Variants in SYNE2 observed in about 807,000 individuals in gnomAD.
SYNE2 encodes spectrin repeat containing nuclear envelope protein 2.
Under a neutral mutation model 856.3 loss-of-function variants are expected in SYNE2, and 431 were observed. That is an observed-to-expected ratio of 0.50 (90% CI 0.47 to 0.55). SYNE2 has a LOEUF of 0.55. SYNE2 is among the 20% of genes least tolerant of loss of function. The probability of loss-of-function intolerance (pLI) is 0.00; values close to 1 mark genes in which losing one functional copy is unlikely to be tolerated. For missense variants in SYNE2, 8,129 were observed against 8,023.2 expected (o/e 1.01, Z -0.50); for synonymous variants, 2,923 against 2,872.3 (o/e 1.02, Z -0.56).
chr14:64,044,997 G>T (rs2153567411), intron 45 of SYNE2, among the ~76,000 whole-genome samples: 1 of 152,236 alleles, frequency 6.6e-6, no homozygotes, highest in African/African-American at 2.4e-5. Context: ...AAATGAATGT[G>T]CAGAGTAAAA....
intron 96 of SYNE2, among the ~76,000 whole-genome samples, chr14:64,182,543 T>G (rs534413728): frequency 4.1e-4 from 63 of 152,204 alleles, no homozygotes; most frequent in South Asian, 2.7e-3. Flanking sequence ...GCGGCCTTCC[T>G]CAGTGTTTGT....
chr14:63,966,741 A>G (rs1181439973), intron 10 of SYNE2, among the ~76,000 whole-genome samples: 3 of 150,380 alleles, frequency 2.0e-5, no homozygotes, highest in African/African-American at 7.4e-5. Flanking sequence ...TGTATTTTTG[A>G]TCGATATGGG....
chr14:64,154,491 A>G (rs1243267763), intron 85 of SYNE2, among the ~76,000 whole-genome samples: 1 of 152,120 alleles, frequency 6.6e-6, no homozygotes, highest in Non-Finnish European at 1.5e-5. Context: ...AAAAATGACC[A>G]AATGGAAAAA....
In SYNE2 at chr14:63,780,490, T is replaced by C. The variant is rs139443127; in HGVS notation, c.-305+18504T>C. On this transcript the variant is annotated intron_variant, in intron 1 of 23. Transcript: ENST00000674003. ...TAGAGGTTGTGGTGAGCCGAGATCA[T>C]GCCACTGTATTCCAGCCCGGGCAAC... 2.2e-3 allele frequency among the ~76,000 whole-genome samples: 340 copies of C among 152,206 alleles called. 1 individual carries two copies. Among genetic ancestry groups the C allele is most frequent in the African/African-American group, 7.0e-3 (292 of 41,528 alleles).
intron 45 of SYNE2, among the ~76,000 whole-genome samples, chr14:64,045,946 T>C (rs991521117): frequency 6.6e-6 from 1 of 152,220 alleles, no homozygotes; most frequent in African/African-American, 2.4e-5. Flanking sequence ...TACATTACTA[T>C]CTAGACAGTA....
At chr14:64,132,509 A>G in intron 77 of SYNE2, 71 bp downstream of exon 77, 1 of 1,569,804 alleles carries the variant, frequency 6.4e-7, no homozygotes, top group East Asian at 2.2e-5. Flanking sequence ...CCAGGTGTTG[A>G]GAAGAAGTAT....
rs183995089 is a variant in SYNE2, at chr14:64,015,026, T to A, written c.4729-1447T>A. ...ATATATATATGTGTATATATGTATATAAATATATATGTATATATGTATATA... is the reference window on the plus strand; with the variant it reads ...ATATATATATGTGTATATATGTATAAAAATATATATGTATATATGTATATA... On this transcript the variant is annotated intron_variant, in intron 32 of 115. Coordinates refer to ENST00000555002, the MANE Select transcript of SYNE2 (RefSeq NM_182914.3). Among the ~76,000 whole-genome samples the A allele has an allele frequency of 1.3e-3, 192 of 143,928 alleles. 1 individual carries two copies. The highest frequency in any genetic ancestry group is 4.8e-3 in the African/African-American group (188 of 39,102). The allele number at this position is 143,928 out of a possible 152,430, so 94.4% of individuals were successfully genotyped here. A position where few individuals can be genotyped will look rare whatever the true frequency, so the allele number is the denominator to read the frequency against.
In SYNE2 at chr14:63,990,522, A is replaced by G. The variant is rs374684922; in HGVS notation, c.2425A>G (p.Thr809Ala). Reference protein sequence around the residue: ...SSQESFQHVLTTGLQAKIQEA... With the variant: ...SSQESFQHVLATGLQAKIQEA... ...CCAGGAGTCCTTTCAACATGTTCTC[A>G]CAACTGGGCTTCAGGCAAAGATTCA... The change falls in exon 20 of 116, where the codon ACA becomes GCA. Residue 809 changes from threonine to alanine, a missense_variant. Thr to Ala is a moderately conservative substitution (Grantham distance 58). Coordinates refer to ENST00000555002, the MANE Select transcript of SYNE2 (RefSeq NM_182914.3). The G allele has an allele frequency of 3.1e-5, 50 of 1,612,778 alleles. 1 individual carries two copies. The African/African-American group carries it at 6.4e-4, about 21-fold the overall frequency.
rs112954597 is a variant in SYNE2 at position 64,091,197 on chromosome 14, A to G, written c.11976+149A>G. The G allele has an allele frequency of 7.0e-3, 5,224 of 745,216 alleles. 38 individuals carry two copies. Among genetic ancestry groups the G allele is most frequent in the Non-Finnish European group, 8.1e-3 (3,561 of 441,172 alleles). 46.2% of individuals were successfully genotyped at this position (745,216 alleles called of 1,614,324 possible). On this transcript the variant is annotated intron_variant, in intron 60 of 115. Coordinates refer to ENST00000555002, the MANE Select transcript of SYNE2 (RefSeq NM_182914.3). ...AAAGCATATCTTCATGCTCAAATGG[A>G]GCTAAGGTTATTTTTCTCAGTTCTT...
rs143789075 is a variant in SYNE2, at chr14:64,138,912, T to TTGTGTGTGTGTGTG, written c.14843+943_14843+956dup. 2.8e-4 allele frequency among the ~76,000 whole-genome samples: 41 copies of TTGTGTGTGTGTGTG among 144,304 alleles called. No individual in the cohort carries two copies. The South Asian group carries it at 3.2e-3, about 11-fold the overall frequency. 94.7% of individuals were successfully genotyped at this position (144,304 alleles called of 152,430 possible). A position where few individuals can be genotyped will look rare whatever the true frequency, so the allele number is the denominator to read the frequency against. ...GTTATACAGCTTATACAAATGCTGG[T>TTGTGTGTGTGTGTG]TGTGTGTGTGTGTGTGTGTGTGTGT... is the stretch of plus-strand genomic sequence containing the variant. On this transcript the variant is annotated intron_variant, in intron 79 of 115. Coordinates refer to ENST00000555002, the MANE Select transcript of SYNE2 (RefSeq NM_182914.3).
At chr14:63,779,050 T>C (rs1211095960) in intron 1 of SYNE2, among the ~76,000 whole-genome samples, 1 of 152,058 alleles carries the variant, frequency 6.6e-6, no homozygotes, top group Non-Finnish European at 1.5e-5. Flanking sequence ...CCAGACGCAG[T>C]GGCTCAATCC....
chr14:64,148,425 A>G (rs1373178762), intron 84 of SYNE2, among the ~76,000 whole-genome samples: 2 of 152,146 alleles, frequency 1.3e-5, no homozygotes, highest in African/African-American at 4.8e-5. Context: ...TTTAAAAGAA[A>G]TTTACAGACA....
intron 46 of SYNE2, chr14:64,048,791 T>A (rs1436503931): frequency 6.6e-6 from 1 of 151,868 alleles, no homozygotes; most frequent in Admixed American, 6.6e-5. Context: ...TGCCTGTAGT[T>A]TCAGCTACTC....
At chr14:64,210,365 A>C (rs766919669) in intron 103 of SYNE2, among the ~76,000 whole-genome samples, 1 of 152,212 alleles carries the variant, frequency 6.6e-6, no homozygotes, top group Non-Finnish European at 1.5e-5. Flanking sequence ...ACCAACGCAC[A>C]GCTCTTTTTA....
intron 73 of SYNE2, among the ~76,000 whole-genome samples, chr14:64,127,591 AGCTAAGG>A (rs1307053712): frequency 1.3e-5 from 2 of 152,036 alleles, no homozygotes; most frequent in African/African-American, 4.8e-5. Context: ...AAGGTTTTTG[AGCTAAGG>A]AATGACAATC....
chr14:64,067,625 A>G (rs987505144), intron 51 of SYNE2, among the ~76,000 whole-genome samples: 1 of 152,234 alleles, frequency 6.6e-6, no homozygotes. Context: ...TCCAGTGTTT[A>G]TGAAATAAAG....
chr14:63,921,441 A>G (rs1020230089), intron 2 of SYNE2, among the ~76,000 whole-genome samples: 5 of 152,208 alleles, frequency 3.3e-5, no homozygotes, highest in African/African-American at 1.2e-4. Flanking sequence ...TAGGCAGAAC[A>G]TCACACAGAT....
chr14:63,958,728 G>A (rs897439090), intron 8 of SYNE2, among the ~76,000 whole-genome samples: 2 of 152,132 alleles, frequency 1.3e-5, no homozygotes, highest in Non-Finnish European at 2.9e-5. Context: ...GATTATCTGT[G>A]TAAAGTATTT....
chr14:63,900,091 GCT>G (rs926003858), intron 1 of SYNE2, among the ~76,000 whole-genome samples: 4 of 152,196 alleles, frequency 2.6e-5, no homozygotes, highest in African/African-American at 9.7e-5. Context: ...CCAGCGGAAG[GCT>G]CTTTTAGGGA....
Sources: gnomAD v4.1 joint callset for allele counts (sites outside exome capture counted in the v4.1 genomes callset) on GRCh38, gnomAD v4.1.1 for gene constraint, MANE v1.5 for transcripts, NCBI Gene and HGNC (gene_info 2026-07-23, HGNC 2026-07-21) for gene names.